DOCK8: variants seen among roughly 807,000 people sequenced by gnomAD.
DOCK8 encodes dedicator of cytokinesis 8.
Under a neutral mutation model 245.6 loss-of-function variants are expected in DOCK8, and 141 were observed. The ratio of observed to expected loss-of-function variants is 0.57; its 90% CI spans 0.50 to 0.66. The LOEUF (loss-of-function observed/expected upper bound fraction) is 0.66. DOCK8 is among the 30% of genes least tolerant of loss of function. DOCK8 has a pLI of 0.00. For synonymous variants in DOCK8, 1,168 were observed against 970.2 expected (o/e 1.20, Z -3.79); for missense variants, 2,965 against 2,603.4 (o/e 1.14, Z -3.02).
chr9:350,596 A>C (rs1165277420), intron 14 of DOCK8, among the ~76,000 whole-genome samples: 1 of 152,166 alleles, frequency 6.6e-6, no homozygotes, highest in Non-Finnish European at 1.5e-5. Context: ...CTTTCATTTT[A>C]ATAACGAGCC....
At chr9:420,231 C>T in intron 30 of DOCK8, 170 bp from the exon 31 acceptor site, 1 of 744,314 alleles carries the variant, frequency 1.3e-6, no homozygotes, top group South Asian at 1.6e-5. Flanking sequence ...CTTCCCCTGC[C>T]TAGGGAAGGC....
At chr9:333,671 A>G (rs1203810796) in intron 10 of DOCK8, among the ~76,000 whole-genome samples, 1 of 151,252 alleles carries the variant, frequency 6.6e-6, no homozygotes, top group Non-Finnish European at 1.5e-5. Flanking sequence ...AGACTCATAA[A>G]TGTCAAGTAA....
chr9:230,089 A>G (rs368168363), intron 1 of DOCK8, among the ~76,000 whole-genome samples: 1 of 121,034 alleles, frequency 8.3e-6, no homozygotes, highest in African/African-American at 3.2e-5. Context: ...GGTGTGTGAT[A>G]TTCCCCTTCC....
chr9:396,377 C>G (rs890425678), intron 24 of DOCK8, among the ~76,000 whole-genome samples: 1 of 152,142 alleles, frequency 6.6e-6, no homozygotes, highest in Non-Finnish European at 1.5e-5. Context: ...GACTTTAGTT[C>G]GCATCAAGAA....
chr9:425,147 C>G (rs905302628), intron 33 of DOCK8, among the ~76,000 whole-genome samples: 13 of 152,008 alleles, frequency 8.6e-5, no homozygotes, highest in African/African-American at 3.1e-4. Context: ...GTGGTTACCA[C>G]AATATATAAA....
At chr9:265,301 T>C (rs569407593) in intron 1 of DOCK8, among the ~76,000 whole-genome samples, 1 of 152,284 alleles carries the variant, frequency 6.6e-6, no homozygotes, top group Non-Finnish European at 1.5e-5. Flanking sequence ...GGGAGAGGGG[T>C]GTGTAACAAC....
chr9:259,611 T>A (rs2047867897), intron 1 of DOCK8, among the ~76,000 whole-genome samples: 1 of 152,210 alleles, frequency 6.6e-6, no homozygotes, highest in Non-Finnish European at 1.5e-5. Context: ...GCTCATCAAG[T>A]GCTCAGCACA....
intron 1 of DOCK8, among the ~76,000 whole-genome samples, chr9:260,835 C>T (rs2047901567): frequency 6.6e-6 from 1 of 152,114 alleles, no homozygotes; most frequent in African/African-American, 2.4e-5. Flanking sequence ...GGTATTCATA[C>T]AGTGGAATAC....
rs891764120 is a variant in DOCK8 at position 406,936 on chromosome 9, A to G, written c.3397A>G (p.Ser1133Gly). The G allele has an allele frequency of 1.2e-5, 19 of 1,614,114 alleles. No homozygotes were observed. The highest frequency in any genetic ancestry group is 1.6e-4 in the Middle Eastern group (1 of 6,062). Residue 1133 changes from serine to glycine, a missense_variant, in exon 28 of 48, where the codon AGC becomes GGC. Ser to Gly is a moderately conservative substitution (Grantham distance 56). Around this residue, in one of 3 missense-constraint regions of DOCK8, gnomAD observed 2,825 missense variants for 2,453.5 expected, o/e 1.15. Coordinates refer to ENST00000432829, the MANE Select transcript of DOCK8 (RefSeq NM_203447.4). ...PCPSISSQNSSSCSSFQDQKI... is the reference protein window; with the variant it reads ...PCPSISSQNSGSCSSFQDQKI... Reference sequence around the variant, plus strand: ...GCTCCTTACGTTTCTGTAGAACTCAAGCTCCTGCTCCAGCTTCCAGGACCA... The same window carrying G: ...GCTCCTTACGTTTCTGTAGAACTCAGGCTCCTGCTCCAGCTTCCAGGACCA...
chr9:455,319 CTCTG>C (rs749405454), intron 46 of DOCK8, among the ~76,000 whole-genome samples: 1 of 149,626 alleles, frequency 6.7e-6, no homozygotes, highest in African/African-American at 2.4e-5. Flanking sequence ...CATGGCGAAA[CTCTG>C]TCTCTTTAAA....
chr9:285,113 C>A (rs931463928), intron 2 of DOCK8, among the ~76,000 whole-genome samples: 1 of 152,132 alleles, frequency 6.6e-6, no homozygotes, highest in Non-Finnish European at 1.5e-5. Flanking sequence ...AAATCCCAGA[C>A]AGGAAGTAGG....
chr9:232,411 C>A (rs796307373), intron 1 of DOCK8, among the ~76,000 whole-genome samples: 10,813 of 152,128 alleles, frequency 0.071, 397 homozygotes, highest in African/African-American at 0.094. Flanking sequence ...CTGGCCTCAT[C>A]AAATGAGTTA....
At chr9:383,518 G>A (rs2053815312) in intron 22 of DOCK8, among the ~76,000 whole-genome samples, 1 of 151,964 alleles carries the variant, frequency 6.6e-6, no homozygotes, top group African/African-American at 2.4e-5. Flanking sequence ...GGCAACAAGA[G>A]CAAAACTCTG....
At chr9:387,767 A>G (rs969330654) in intron 23 of DOCK8, among the ~76,000 whole-genome samples, 7 of 152,282 alleles carry the variant, frequency 4.6e-5, no homozygotes, top group African/African-American at 1.7e-4. Flanking sequence ...ATATTAGGCT[A>G]TCACAGGCCC....
intron 1 of DOCK8, among the ~76,000 whole-genome samples, chr9:247,230 A>G (rs2047526391): frequency 6.6e-6 from 1 of 152,176 alleles, no homozygotes; most frequent in African/African-American, 2.4e-5. Flanking sequence ...TATTTATCAT[A>G]CTATTAATTT....
intron 1 of DOCK8, among the ~76,000 whole-genome samples, chr9:255,711 C>T (rs1281263123): frequency 6.8e-6 from 1 of 147,382 alleles, no homozygotes; most frequent in Non-Finnish European, 1.5e-5. Context: ...AATAACTTTA[C>T]CGTACATAAC....
At position 237,365 on chromosome 9, in the gene DOCK8, A is replaced by G. The variant is rs528310165; in HGVS notation, c.53+22336A>G. On this transcript the variant is annotated intron_variant, in intron 1 of 47. Transcript: ENST00000432829. ...CAAGGCCATTTAAAATCTAATTGCA[A>G]TTGCAAGGGCTGGGTGCTGTGGCTT... 5.9e-5 allele frequency among the ~76,000 whole-genome samples: 9 copies of G among 152,326 alleles called. No individual in the cohort carries two copies. The East Asian group carries it at 1.5e-3, about 26-fold the overall frequency.
chr9:334,456 C>T (rs955572806), intron 11 of DOCK8, 72 bp downstream of exon 11: 22 of 1,532,116 alleles, frequency 1.4e-5, no homozygotes, highest in Admixed American at 5.7e-5. Flanking sequence ...AGCTTACTAG[C>T]GGGGACTGGG....
chr9:420,496 T>G lies in DOCK8; in HGVS notation c.3936T>G (p.Ile1312Met), dbSNP rs746351543. The G allele has an allele frequency of 5.6e-6, 9 of 1,613,970 alleles. No homozygotes were observed. The highest frequency in any genetic ancestry group is 1.6e-4 in the Middle Eastern group (1 of 6,084). The change falls in exon 31 of 48, where the codon ATT (isoleucine) becomes ATG (methionine). Residue 1312 changes from isoleucine to methionine, a missense_variant. Physicochemically the swap from Ile to Met is conservative, Grantham distance 10. Coordinates refer to ENST00000432829, the MANE Select transcript of DOCK8 (RefSeq NM_203447.4). ...TGAAAAATGCTGATCAGAGCCTCATTAGGAAGTGGATTGCTGACCTGCCAT... is the reference window on the plus strand; with the variant it reads ...TGAAAAATGCTGATCAGAGCCTCATGAGGAAGTGGATTGCTGACCTGCCAT... ...WIMKNADQSL[I>M]RKWIADLPST...
Sources: gnomAD v4.1 joint callset for allele counts (sites outside exome capture counted in the v4.1 genomes callset) on GRCh38, gnomAD v4.1.1 for gene constraint, gnomAD v4.1.1 regional missense constraint, MANE v1.5 for transcripts, NCBI Gene and HGNC (gene_info 2026-07-23, HGNC 2026-07-21) for gene names.